The following KIAA1549L variants were observed in gnomAD, a reference collection of about 807,000 sequenced individuals.
The protein encoded by KIAA1549L is KIAA1549 like.
A neutral mutation model predicts 160.7 loss-of-function variants in KIAA1549L; 88 were observed. The ratio of observed to expected loss-of-function variants is 0.55; its 90% CI spans 0.46 to 0.65. The LOEUF (loss-of-function observed/expected upper bound fraction) is 0.65. Among genes scored for constraint, KIAA1549L ranks in the 30% least tolerant of loss-of-function variants. The pLI, the probability that KIAA1549L is intolerant of heterozygous loss-of-function variation, is 0.00. For missense variants in KIAA1549L, 2,258 were observed against 2,437.5 expected, an observed-to-expected ratio of 0.93 and a Z score of 1.55; for synonymous variants, 950 against 976.7, an observed-to-expected ratio of 0.97 and a Z score of 0.51.
intron 4 of KIAA1549L, among the ~76,000 whole-genome samples, chr11:33,549,462 A>C (rs1854380781): frequency 6.6e-6 from 1 of 152,206 alleles, no homozygotes; most frequent in Non-Finnish European, 1.5e-5. Flanking sequence ...AGAAGGGTTG[A>C]AAGGGAACAA....
intron 11 of KIAA1549L, among the ~76,000 whole-genome samples, chr11:33,589,703 T>C (rs1181883884): frequency 2.6e-5 from 4 of 151,894 alleles, no homozygotes; most frequent in Admixed American, 6.6e-5. Flanking sequence ...TAGGTGGGAA[T>C]TGAACAATGA....
At chr11:33,477,270 C>T (rs1852306993) in intron 1 of KIAA1549L, among the ~76,000 whole-genome samples, 1 of 152,114 alleles carries the variant, frequency 6.6e-6, no homozygotes, top group African/African-American at 2.4e-5. Flanking sequence ...GAATGCCCCC[C>T]ACCACTTTTG....
At chr11:33,614,741 T>C (rs866804394) in intron 15 of KIAA1549L, among the ~76,000 whole-genome samples, 44 of 149,212 alleles carry the variant, frequency 2.9e-4, no homozygotes, top group African/African-American at 1.1e-3. Context: ...GCTTCCCAAG[T>C]AGCTGGGATT....
chr11:33,614,542 A>C (rs1232283475), intron 15 of KIAA1549L, among the ~76,000 whole-genome samples: 2,252 of 8,144 alleles, frequency 0.28, 516 homozygotes, highest in Non-Finnish European at 0.31. Flanking sequence ...ATATATATAT[A>C]TATATATATA....
intron 1 of KIAA1549L, among the ~76,000 whole-genome samples, chr11:33,519,533 A>G (rs966716919): frequency 6.6e-6 from 1 of 152,212 alleles, no homozygotes; most frequent in Non-Finnish European, 1.5e-5. Context: ...AGTGTTAACA[A>G]TTACTTCAGG....
chr11:33,583,219 T>G (rs1294472885), intron 10 of KIAA1549L, 119 bp from the exon 11 acceptor site: 9 of 976,460 alleles, frequency 9.2e-6, no homozygotes, highest in Non-Finnish European at 1.2e-5. Flanking sequence ...CCCCAAACCC[T>G]CTTAACCTCC....
intron 16 of KIAA1549L, among the ~76,000 whole-genome samples, chr11:33,619,521 T>C (rs948765669): frequency 2.0e-5 from 3 of 152,238 alleles, no homozygotes; most frequent in African/African-American, 7.2e-5. Flanking sequence ...ACCATGCTAA[T>C]TGGAAAGCAA....
chr11:33,425,816 CCTT>C (rs1227301890), intron 1 of KIAA1549L, among the ~76,000 whole-genome samples: 1 of 152,202 alleles, frequency 6.6e-6, no homozygotes, highest in African/African-American at 2.4e-5. Context: ...AACATGTTCT[CCTT>C]ATTTTGATGC....
At chr11:33,540,480 T>G (rs955746803) in intron 1 of KIAA1549L, among the ~76,000 whole-genome samples, 1 of 152,156 alleles carries the variant, frequency 6.6e-6, no homozygotes, top group Non-Finnish European at 1.5e-5. Context: ...AAGTGTGAAA[T>G]TGAGGCTATC....
At chr11:33,591,469 T>C (rs775159095) in intron 12 of KIAA1549L, 48 bp downstream of exon 12, 3 of 1,464,642 alleles carry the variant, frequency 2.0e-6, no homozygotes, top group Admixed American at 2.1e-5. Flanking sequence ...AAGAGAATAA[T>C]TGATGATGAG....
At chr11:33,406,176 A>G (rs1003275786) in intron 1 of KIAA1549L, among the ~76,000 whole-genome samples, 7 of 152,338 alleles carry the variant, frequency 4.6e-5, no homozygotes, top group Middle Eastern at 3.4e-3. Context: ...GTTGTTGTGA[A>G]TATAACAAAG....
chr11:33,568,666 T>G (rs1262644509), intron 9 of KIAA1549L, among the ~76,000 whole-genome samples: 1 of 152,206 alleles, frequency 6.6e-6, no homozygotes, highest in African/African-American at 2.4e-5. Context: ...GTTACCTGTA[T>G]GTAGTCAGTT....
intron 1 of KIAA1549L, among the ~76,000 whole-genome samples, chr11:33,398,390 C>G (rs1850429789): frequency 6.6e-6 from 1 of 152,006 alleles, no homozygotes; most frequent in African/African-American, 2.4e-5. Flanking sequence ...AGCTTAGAAA[C>G]TTTTATGGCA....
chr11:33,480,284 T>G (rs1852382591), intron 1 of KIAA1549L, among the ~76,000 whole-genome samples: 1 of 152,222 alleles, frequency 6.6e-6, no homozygotes, highest in Non-Finnish European at 1.5e-5. Context: ...TCTATCTCTG[T>G]GGATTTGCCT....
intron 1 of KIAA1549L, among the ~76,000 whole-genome samples, chr11:33,436,313 T>A (rs1203707668): frequency 6.6e-6 from 1 of 152,172 alleles, no homozygotes; most frequent in Non-Finnish European, 1.5e-5. Context: ...GATCAGCAAT[T>A]GGCAAGCTGC....
chr11:33,553,046 G>C (rs1854520775), intron 6 of KIAA1549L, among the ~76,000 whole-genome samples: 1 of 152,172 alleles, frequency 6.6e-6, no homozygotes, highest in African/African-American at 2.4e-5. Flanking sequence ...AGAAGCTACA[G>C]GAGTCTTAAG....
chr11:33,547,622 AG>A (rs1305381224), intron 3 of KIAA1549L, 141 bp from the exon 4 acceptor site: 1 of 604,582 alleles, frequency 1.7e-6, no homozygotes, highest in Non-Finnish European at 3.0e-6. Context: ...CTACCACCCC[AG>A]CGCACCCCCT....
chr11:33,499,992 C>T (rs1423296939), intron 1 of KIAA1549L, among the ~76,000 whole-genome samples: 1 of 152,184 alleles, frequency 6.6e-6, no homozygotes, highest in Non-Finnish European at 1.5e-5. Context: ...GCATCCTACC[C>T]TTCTTCTTTC....
At chr11:33,546,855 G>T (rs1337681963) in intron 3 of KIAA1549L, among the ~76,000 whole-genome samples, 1 of 152,212 alleles carries the variant, frequency 6.6e-6, no homozygotes. Flanking sequence ...TATAAGTTAG[G>T]TGCAGTCAAG....
Sources: gnomAD v4.1 joint callset for allele counts (sites outside exome capture counted in the v4.1 genomes callset) on GRCh38, gnomAD v4.1.1 for gene constraint, MANE v1.5 for transcripts, NCBI Gene and HGNC (gene_info 2026-07-23, HGNC 2026-07-21) for gene names.